The following GRAMD1C variants were observed in gnomAD, a reference collection of about 807,000 sequenced individuals.
GRAMD1C encodes GRAM domain containing 1C.
In GRAMD1C, 89 loss-of-function variants were observed where a neutral mutation model predicts 97.8. The ratio of observed to expected loss-of-function variants is 0.91; its 90% CI spans 0.77 to 1.09. The LOEUF (loss-of-function observed/expected upper bound fraction) is 1.09. Ranked by LOEUF, GRAMD1C falls within the 50% of genes least tolerant of loss-of-function variation. The pLI is 0.00. For missense variants in GRAMD1C, 740 were observed against 766.4 expected (o/e 0.97, Z 0.41); for synonymous variants, 256 against 267.0 (o/e 0.96, Z 0.40).
chr3:113,909,335 C>T (rs1936479223), intron 9 of GRAMD1C, among the ~76,000 whole-genome samples: 1 of 151,990 alleles, frequency 6.6e-6, no homozygotes, highest in Non-Finnish European at 1.5e-5. Flanking sequence ...ATCTGAAAAG[C>T]TTCTTTGCAT....
At chr3:113,906,504 T>C (rs139248026) in intron 8 of GRAMD1C, among the ~76,000 whole-genome samples, 1,869 of 152,196 alleles carry the variant, frequency 0.012, 15 homozygotes, top group Middle Eastern at 0.024. Context: ...AGAATAAGTA[T>C]ATAAAGAAAG....
rs71144092 is a variant in GRAMD1C at position 113,843,049 on chromosome 3, G to GTTTTT, written c.28-1432_28-1428dup. Among the ~76,000 whole-genome samples, 115 of 53,412 alleles carry GTTTTT rather than the reference G, an allele frequency of 2.2e-3. 8 individuals carry two copies. Among genetic ancestry groups the GTTTTT allele is most frequent in the African/African-American group, 6.3e-3 (90 of 14,372 alleles). The allele number at this position is 53,412 out of a possible 152,430, so 35.0% of individuals were successfully genotyped here. A position where few individuals can be genotyped will look rare whatever the true frequency, so the allele number is the denominator to read the frequency against. On this transcript the variant is annotated intron_variant, in intron 1 of 17. Transcript: ENST00000358160. ...TAAGGATCCTGGTCCACCATAAGCT[G>GTTTTT]TTTTTTTTTTTTTTTTTTTTTTTTT...
At chr3:113,834,398 C>T (rs1417318779), upstream of GRAMD1C, among the ~76,000 whole-genome samples, 2 of 151,940 alleles carry the variant, frequency 1.3e-5, no homozygotes, top group Admixed American at 1.3e-4. Flanking sequence ...AGGCTGGTCT[C>T]GAACTCCTGA....
At chr3:113,870,974 GACAC>G (rs550859238) in intron 3 of GRAMD1C, among the ~76,000 whole-genome samples, 13 of 76,258 alleles carry the variant, frequency 1.7e-4, no homozygotes, top group African/African-American at 5.6e-4. Flanking sequence ...ATAAATAAAA[GACAC>G]ACACACACAC....
At chr3:113,846,353 G>A (rs1476456501) in intron 2 of GRAMD1C, among the ~76,000 whole-genome samples, 3 of 151,988 alleles carry the variant, frequency 2.0e-5, no homozygotes, top group South Asian at 2.1e-4. Context: ...TGATCCGCCC[G>A]CCTCGGCCTC....
chr3:113,852,387 ATCCAATTTGAAAAATT>A (rs1185231514), intron 2 of GRAMD1C, among the ~76,000 whole-genome samples: 1 of 152,200 alleles, frequency 6.6e-6, no homozygotes, highest in Non-Finnish European at 1.5e-5. Context: ...AAAACATTTT[ATCCAATTTGAAAAATT>A]TTAAGTATAG....
At chr3:113,885,841 T>C in intron 6 of GRAMD1C, 3 of 1,611,834 alleles carry the variant, frequency 1.9e-6, no homozygotes, top group Non-Finnish European at 8.5e-7. Flanking sequence ...CTCTCCAGCA[T>C]TGTGATCCTG....
intron 1 of GRAMD1C, among the ~76,000 whole-genome samples, chr3:113,832,744 G>C (rs1030516164): frequency 2.0e-5 from 3 of 152,052 alleles, no homozygotes; most frequent in African/African-American, 7.2e-5. Flanking sequence ...TGTTCTGTCA[G>C]ATTAGAAAAA....
At chr3:113,886,978 C>T (rs1180730991) in intron 6 of GRAMD1C, among the ~76,000 whole-genome samples, 4 of 150,164 alleles carry the variant, frequency 2.7e-5, no homozygotes, top group African/African-American at 7.3e-5. Flanking sequence ...GATGGGGTTT[C>T]GCCATGTTGG....
intron 2 of GRAMD1C, among the ~76,000 whole-genome samples, chr3:113,848,518 T>G (rs1933715245): frequency 6.6e-6 from 1 of 151,122 alleles, no homozygotes; most frequent in South Asian, 2.1e-4. Flanking sequence ...TATTTTAAAA[T>G]ATTGGGCCAG....
rs372237720 is a variant in GRAMD1C, at chr3:113,912,109, G to A, written c.952+2989G>A. On this transcript the variant is annotated intron_variant, in intron 9 of 17. Coordinates refer to ENST00000358160, the MANE Select transcript of GRAMD1C (RefSeq NM_017577.5). ...TTAGGGCTTTAACAGAATAATTTGC[G>A]GCTACACAAACATTCAGTCCATACC... is the stretch of plus-strand genomic sequence containing the variant. 8.5e-5 allele frequency among the ~76,000 whole-genome samples: 13 copies of A among 152,192 alleles called. No individual in the cohort carries two copies. In the South Asian group the frequency reaches 1.9e-3, roughly 22 times the overall value.
intron 12 of GRAMD1C, 22 bp from the exon 13 acceptor site, chr3:113,934,410 T>A: frequency 9.5e-7 from 1 of 1,047,482 alleles, no homozygotes; most frequent in Non-Finnish European, 1.5e-6. Flanking sequence ...AAATAAATAT[T>A]CTTTCCTTCT....
At chr3:113,915,578 AATC>A (rs1010562933) in intron 9 of GRAMD1C, 120 bp from the exon 10 acceptor site, 5 of 657,652 alleles carry the variant, frequency 7.6e-6, no homozygotes, top group African/African-American at 1.8e-5. Flanking sequence ...TCCTCATTGT[AATC>A]ATATTTAAAA....
intron 6 of GRAMD1C, chr3:113,897,790 GGAGA>G (rs1935998170): frequency 1.0e-6 from 1 of 982,504 alleles, no homozygotes; most frequent in Non-Finnish European, 1.2e-6. Context: ...AGGCTGAAAG[GGAGA>G]GACTCTCCTT....
intron 10 of GRAMD1C, among the ~76,000 whole-genome samples, chr3:113,922,070 C>T (rs1937078871): frequency 6.6e-6 from 1 of 151,440 alleles, no homozygotes; most frequent in Admixed American, 6.6e-5. Flanking sequence ...TCTAAATTTT[C>T]TTTCTTTTTT....
rs1466731948 is a variant in GRAMD1C at position 113,900,919 on chromosome 3, A to G, written c.541-112A>G. On this transcript the variant is annotated intron_variant, in intron 6 of 17. Transcript: ENST00000358160. ...GGTCAAATAACTACCAAAGCCCCAT[A>G]TCTAGTCTTTGCACAACAGGTCATT... 5 of 598,016 alleles carry G rather than the reference A, an allele frequency of 8.4e-6. No individual in the cohort carries two copies. In the East Asian group the frequency reaches 1.1e-4, roughly 14 times the overall value. 37.0% of individuals were successfully genotyped at this position (598,016 alleles called of 1,614,324 possible).
At chr3:113,885,007 C>A (rs1456227367) in intron 6 of GRAMD1C, among the ~76,000 whole-genome samples, 2 of 149,378 alleles carry the variant, frequency 1.3e-5, no homozygotes, top group Non-Finnish European at 3.0e-5. Context: ...CGGAGGACCC[C>A]ATCCTAGCCC....
intron 1 of GRAMD1C, among the ~76,000 whole-genome samples, chr3:113,841,194 C>T (rs943145080): frequency 6.6e-6 from 1 of 151,300 alleles, no homozygotes; most frequent in African/African-American, 2.4e-5. Context: ...AGGTACCATT[C>T]ATTCTTACCA....
intron 2 of GRAMD1C, chr3:113,850,742 G>C: frequency 7.1e-7 from 1 of 1,412,426 alleles, no homozygotes; most frequent in Non-Finnish European, 9.9e-7. Context: ...CTCCGCTGCT[G>C]TAGGGTCCGG....
Sources: gnomAD v4.1 joint callset for allele counts (sites outside exome capture counted in the v4.1 genomes callset) on GRCh38, gnomAD v4.1.1 for gene constraint, MANE v1.5 for transcripts, NCBI Gene and HGNC (gene_info 2026-07-23, HGNC 2026-07-21) for gene names.